Variants in ASH1L observed in about 807,000 individuals in gnomAD.
ASH1L encodes histone-lysine N-methyltransferase ASH1L.
A neutral mutation model predicts 269.0 loss-of-function variants in ASH1L; 23 were observed. The ratio of observed to expected loss-of-function variants is 0.09; its 90% CI spans 0.06 to 0.12. The LOEUF (loss-of-function observed/expected upper bound fraction) is 0.12, where lower values mean the gene tolerates loss of function less well. Ranked by LOEUF, ASH1L falls within the 10% of genes least tolerant of loss-of-function variation. The pLI is 1.00. For missense variants in ASH1L, 2,912 were observed against 3,567.8 expected, an observed-to-expected ratio of 0.82 and a Z score of 4.68; for synonymous variants, 1,187 against 1,253.5, an observed-to-expected ratio of 0.95 and a Z score of 1.12.
chr1:155,444,554 G>A (rs1372498042), intron 4 of ASH1L, among the ~76,000 whole-genome samples: 5 of 152,030 alleles, frequency 3.3e-5, no homozygotes, highest in African/African-American at 4.8e-5. Flanking sequence ...ATCTTTTGCC[G>A]ATTATTTTTA....
At chr1:155,399,011 G>A (rs560501859) in intron 6 of ASH1L, among the ~76,000 whole-genome samples, 1 of 152,296 alleles carries the variant, frequency 6.6e-6, no homozygotes, top group Admixed American at 6.5e-5. Flanking sequence ...AGGATTACCG[G>A]TGTGAGCCAT....
At position 155,474,351 on chromosome 1, in the gene ASH1L, C is replaced by G. The variant is rs552495029; in HGVS notation, c.4984+3535G>C. ...TCTACTAAGCCTGAGAACTAGATAC[C>G]CAACGACCTTCTCAAATCCTCCGCT... is the stretch of plus-strand genomic sequence containing the variant. On this transcript the variant is annotated intron_variant, in intron 3 of 27. Transcript: ENST00000392403. Among the ~76,000 whole-genome samples the G allele has an allele frequency of 5.9e-5, 9 of 152,068 alleles. No homozygotes were observed. In the East Asian group the frequency reaches 1.7e-3, roughly 29 times the overall value.
intron 2 of ASH1L, among the ~76,000 whole-genome samples, chr1:155,492,563 CATTG>C (rs1208593052): frequency 3.3e-5 from 5 of 152,022 alleles, no homozygotes; most frequent in Non-Finnish European, 5.9e-5. Context: ...ATTTCATGCC[CATTG>C]ATTATTTATA....
At chr1:155,440,515 A>G (rs750435304) in intron 4 of ASH1L, 86 of 935,818 alleles carry the variant, frequency 9.2e-5, no homozygotes, top group Non-Finnish European at 1.1e-4. Flanking sequence ...TCCCACTGGG[A>G]ACATGTTTAT....
rs549028436 is a variant in ASH1L, at chr1:155,536,918, G to A, written c.-99-15300C>T. On this transcript the variant is annotated intron_variant, in intron 1 of 27. Transcript: ENST00000392403. ...AAATTAGCCGGGCGTGGTGGCGAGTGCCTGTAGTCCCAGCTACTTGGGAGG... is the reference window on the plus strand; with the variant it reads ...AAATTAGCCGGGCGTGGTGGCGAGTACCTGTAGTCCCAGCTACTTGGGAGG... Among the ~76,000 whole-genome samples the A allele has an allele frequency of 2.0e-4, 30 of 151,712 alleles. No individual in the cohort carries two copies. The South Asian group carries it at 4.2e-3, about 21-fold the overall frequency.
intron 6 of ASH1L, among the ~76,000 whole-genome samples, chr1:155,400,916 T>C (rs1329474453): frequency 1.3e-5 from 2 of 151,454 alleles, no homozygotes; most frequent in Non-Finnish European, 3.0e-5. Flanking sequence ...TCCCAGCACT[T>C]TGGGAGGCTG....
In ASH1L at chr1:155,352,777, A is replaced by G. The variant is rs1442924686; in HGVS notation, c.7295T>C (p.Ile2432Thr). 6.8e-6 allele frequency: 11 copies of G among 1,614,204 alleles called. No homozygotes were observed. Among genetic ancestry groups the G allele is most frequent in the Non-Finnish European group, 8.5e-6 (10 of 1,180,030 alleles). The part of the protein sequence containing the change: ...TRRLAAAEEN[I>T]EVARAARLAQ... ...TAGGCGGGCTGCCCGAGCCACTTCA[A>G]TATTTTCCTCTGCAGCTGCCAACCG... Residue 2432 changes from isoleucine to threonine, a missense_variant, in exon 17 of 28, where the codon ATT (isoleucine) becomes ACT (threonine). Coordinates refer to ENST00000392403, the MANE Select transcript of ASH1L (RefSeq NM_018489.3).
chr1:155,450,985 G>A (rs1217683424), intron 4 of ASH1L, among the ~76,000 whole-genome samples: 1 of 151,638 alleles, frequency 6.6e-6, no homozygotes, highest in African/African-American at 2.4e-5. Context: ...ATCACCTGAG[G>A]TCAGGAGTCT....
At chr1:155,484,237 C>G (rs1674294038) in intron 2 of ASH1L, among the ~76,000 whole-genome samples, 1 of 152,130 alleles carries the variant, frequency 6.6e-6, no homozygotes, top group African/African-American at 2.4e-5. Context: ...GCCTGTAATC[C>G]CAGCACTTTG....
chr1:155,423,681 G>A (rs771086768), intron 5 of ASH1L, among the ~76,000 whole-genome samples: 2 of 152,220 alleles, frequency 1.3e-5, no homozygotes, highest in African/African-American at 2.4e-5. Context: ...CAGCTACGGT[G>A]ATGGCTTTGC....
intron 5 of ASH1L, chr1:155,434,073 T>C (rs1263632024): frequency 1.9e-6 from 3 of 1,591,670 alleles, no homozygotes; most frequent in East Asian, 2.3e-5. Flanking sequence ...CGAGAGGATT[T>C]TGAGGCTGCT....
At chr1:155,360,433 A>T (rs762904336) in intron 12 of ASH1L, 24 bp from the exon 13 acceptor site, 3 of 1,493,212 alleles carry the variant, frequency 2.0e-6, no homozygotes, top group Admixed American at 3.5e-5. Context: ...AAACAGAGTT[A>T]TAAAGGCTGG....
At chr1:155,370,342 G>T in intron 12 of ASH1L, 162 bp downstream of exon 12, 1 of 778,742 alleles carries the variant, frequency 1.3e-6, no homozygotes, top group East Asian at 2.5e-5. Context: ...TGAGAAGTTA[G>T]GGTGAAAACG....
chr1:155,557,326 A>C (rs191042326), intron 1 of ASH1L, among the ~76,000 whole-genome samples: 4 of 151,910 alleles, frequency 2.6e-5, no homozygotes, highest in African/African-American at 9.7e-5. Context: ...GCAGTGGCGC[A>C]GTCTTGGCTC....
intron 2 of ASH1L, among the ~76,000 whole-genome samples, chr1:155,508,275 T>C (rs1442813887): frequency 6.6e-6 from 1 of 152,194 alleles, no homozygotes; most frequent in African/African-American, 2.4e-5. Context: ...CATAAATTTT[T>C]AGAGAAAAAT....
chr1:155,362,249 C>T (rs1334422396), intron 12 of ASH1L, among the ~76,000 whole-genome samples: 2 of 151,846 alleles, frequency 1.3e-5, no homozygotes, highest in African/African-American at 4.8e-5. Context: ...TTGGCCAGTA[C>T]GGTCTCAATC....
intron 3 of ASH1L, among the ~76,000 whole-genome samples, chr1:155,474,835 T>A (rs908357913): frequency 1.3e-5 from 2 of 152,214 alleles, no homozygotes; most frequent in African/African-American, 4.8e-5. Context: ...CTAAGCACCA[T>A]CATGTTATCT....
intron 5 of ASH1L, among the ~76,000 whole-genome samples, chr1:155,435,155 A>G (rs1013718320): frequency 2.6e-5 from 4 of 152,212 alleles, no homozygotes; most frequent in African/African-American, 9.6e-5. Context: ...CTCAAAAACA[A>G]TAACAACAAC....
At position 155,479,420 on chromosome 1, in the gene ASH1L, T is replaced by C; in HGVS notation, c.3450A>G (p.Ala1150=). 1 of 1,614,160 alleles carries C rather than the reference T, an allele frequency of 6.2e-7. No individual in the cohort carries two copies. The highest frequency in any genetic ancestry group is 1.3e-5 in the African/African-American group (1 of 75,044). ...SRQGSMIQTL[A]MKKASKGRRR... ...TCCTCCCCTTTGAGGCCTTCTTCAT[T>C]GCAAGAGTCTGAATCATACTGCCCT... Residue 1150 remains alanine, a synonymous_variant, in exon 3 of 28, where the codon GCA becomes GCG. Transcript: ENST00000392403.
Sources: allele counts gnomAD v4.1 joint callset (sites outside exome capture counted in the v4.1 genomes callset), GRCh38; gene constraint gnomAD v4.1.1; transcripts MANE v1.5; gene names NCBI Gene and HGNC (gene_info 2026-07-23, HGNC 2026-07-21).